Variants in CLIP4 observed in about 807,000 individuals in gnomAD.
CLIP4 encodes the protein CAP-Gly domain-containing linker protein 4.
A neutral mutation model predicts 73.1 loss-of-function variants in CLIP4; 47 were observed. The observed-to-expected ratio is 0.64, with a 90% CI of 0.51 to 0.82. CLIP4 has a LOEUF of 0.82. CLIP4 is among the 40% of genes least tolerant of loss of function. The pLI is 0.00. For missense variants in CLIP4, 874 were observed against 852.9 expected (o/e 1.02, Z -0.31); for synonymous variants, 306 against 295.4 (o/e 1.04, Z -0.37).
intron 1 of CLIP4, among the ~76,000 whole-genome samples, chr2:29,117,928 A>C (rs986731637): frequency 3.9e-5 from 6 of 152,256 alleles, no homozygotes; most frequent in Non-Finnish European, 8.8e-5. Flanking sequence ...TAGCTTTTTC[A>C]GGGCAGGTAT....
intron 15 of CLIP4, among the ~76,000 whole-genome samples, chr2:29,179,711 A>G (rs1024694458): frequency 7.9e-5 from 12 of 152,224 alleles, no homozygotes; most frequent in Non-Finnish European, 2.9e-5. Flanking sequence ...TCAGGTTACA[A>G]AAAACATCCA....
At chr2:29,101,290 C>CG (rs973059483) in intron 1 of CLIP4, among the ~76,000 whole-genome samples, 2 of 147,598 alleles carry the variant, frequency 1.4e-5, no homozygotes, top group African/African-American at 5.0e-5. Context: ...TTTTTTTCCC[C>CG]CCCCCAAAAC....
In CLIP4 at chr2:29,133,759, G is replaced by A; in HGVS notation, c.472G>A (p.Ala158Thr). 7 of 1,613,170 alleles carry A rather than the reference G, an allele frequency of 4.3e-6. No individual in the cohort carries two copies. The highest frequency in any genetic ancestry group is 5.9e-6 in the Non-Finnish European group (7 of 1,179,680). Reference sequence around the variant, plus strand: ...AAACATGAATGCTTTGCATTATGCTGCTTATTTTGATGTCCCTGAACTTAT... The same window carrying A: ...AAACATGAATGCTTTGCATTATGCTACTTATTTTGATGTCCCTGAACTTAT... The part of the protein sequence containing the change: ...WTNMNALHYA[A>T]YFDVPELIRV... The change falls in exon 5 of 16, where the codon GCT (alanine) becomes ACT (threonine). Residue 158 changes from alanine (A) to threonine (T), a missense_variant. By Grantham distance (58) the Ala-to-Thr change is moderately conservative (BLOSUM62 0). Transcript: ENST00000320081.
chr2:29,133,317 A>G (rs1365395668), intron 4 of CLIP4, among the ~76,000 whole-genome samples: 1 of 152,214 alleles, frequency 6.6e-6, no homozygotes, highest in African/African-American at 2.4e-5. Flanking sequence ...TCCACGGAAC[A>G]CGTTTGGGGG....
chr2:29,156,034 C>G (rs985787648), intron 9 of CLIP4, among the ~76,000 whole-genome samples: 6 of 152,342 alleles, frequency 3.9e-5, no homozygotes, highest in South Asian at 2.1e-4. Context: ...TTTTGTCCAT[C>G]AAGAATGCCT....
At chr2:29,163,981 T>C (rs1438229987) in intron 13 of CLIP4, 27 bp downstream of exon 13, 5 of 1,600,446 alleles carry the variant, frequency 3.1e-6, no homozygotes, top group Non-Finnish European at 4.3e-6. Context: ...TATGTTTATT[T>C]ACAGAAACTT....
intron 2 of CLIP4, among the ~76,000 whole-genome samples, chr2:29,129,780 A>G (rs1020383087): frequency 2.0e-5 from 3 of 152,190 alleles, no homozygotes; most frequent in Non-Finnish European, 2.9e-5. Flanking sequence ...GGCACTCCCA[A>G]AGGCAGACTA....
chr2:29,113,267 G>A (rs1034641307), upstream of CLIP4, among the ~76,000 whole-genome samples: 27 of 152,088 alleles, frequency 1.8e-4, no homozygotes, highest in African/African-American at 6.3e-4. This position sits in a 1 kb window ranked among gnomAD's most constrained non-coding sequence, Gnocchi z 4.0. Context: ...ACCTCCTGAC[G>A]CTGTGGATTA....
chr2:29,113,410 T>C (rs1050859653), upstream of CLIP4, among the ~76,000 whole-genome samples: 7 of 152,244 alleles, frequency 4.6e-5, no homozygotes, highest in African/African-American at 1.7e-4. This position sits in a 1 kb window ranked among gnomAD's most constrained non-coding sequence, Gnocchi z 4.0. Context: ...CATATCATTG[T>C]CCAGTCTCAC....
chr2:29,147,335 G>A (rs1666238866), intron 8 of CLIP4, among the ~76,000 whole-genome samples: 1 of 152,006 alleles, frequency 6.6e-6, no homozygotes, highest in African/African-American at 2.4e-5. Context: ...AAAAGGATGA[G>A]TTTTAAAATA....
intron 1 of CLIP4, among the ~76,000 whole-genome samples, chr2:29,101,969 T>A (rs956465572): frequency 6.6e-6 from 1 of 152,124 alleles, no homozygotes; most frequent in Non-Finnish European, 1.5e-5. Flanking sequence ...TGTGTGCACA[T>A]AGGAGGAAAG....
chr2:29,130,753 G>C, intron 2 of CLIP4: 1 of 1,264,324 alleles, frequency 7.9e-7, no homozygotes, highest in Non-Finnish European at 1.0e-6. Flanking sequence ...TTTTAGTTAT[G>C]CTGACTCTAG....
intron 1 of CLIP4, among the ~76,000 whole-genome samples, chr2:29,120,402 A>T (rs11689745): frequency 0.14 from 21,320 of 152,164 alleles, 1,983 homozygotes; most frequent in Middle Eastern, 0.26. Context: ...ATTGAGTTAG[A>T]TATAGGGTTG....
Position 29,152,735 on chromosome 2 carries a change from A to T in CLIP4, c.1072A>T (p.Asn358Tyr). 1 of 1,613,802 alleles carries T rather than the reference A, an allele frequency of 6.2e-7. No homozygotes were observed. Among genetic ancestry groups the T allele is most frequent in the Non-Finnish European group, 8.5e-7 (1 of 1,179,808 alleles). Residue 358 changes from asparagine (N) to tyrosine (Y), a missense_variant, in exon 9 of 16, where the codon AAT (asparagine) becomes TAT (tyrosine). By Grantham distance (143) the Asn-to-Tyr change is moderately radical. Transcript: ENST00000320081. ...KISKAKGRRKNITHTPSTKAA... is the reference protein window; with the variant it reads ...KISKAKGRRKYITHTPSTKAA... ...AAGTAAAGCAAAAGGTCGAAGGAAG[A>T]ATATAACACACACTCCTTCTACAAA...
At chr2:29,161,893 T>G (rs992631771) in intron 12 of CLIP4, among the ~76,000 whole-genome samples, 1 of 152,180 alleles carries the variant, frequency 6.6e-6, no homozygotes, top group Non-Finnish European at 1.5e-5. Flanking sequence ...TGCGGAAACA[T>G]GACAGGACCA....
At chr2:29,119,494 GAATTAAGAGTATAA>G (rs1664110308) in intron 1 of CLIP4, among the ~76,000 whole-genome samples, 1 of 152,048 alleles carries the variant, frequency 6.6e-6, no homozygotes, top group African/African-American at 2.4e-5. Flanking sequence ...TTTTGCTGAA[GAATTAAGAGTATAA>G]AAACATGTCT....
chr2:29,150,219 A>AG (rs1312804331), intron 8 of CLIP4, among the ~76,000 whole-genome samples: 2 of 152,178 alleles, frequency 1.3e-5, no homozygotes, highest in African/African-American at 4.8e-5. Flanking sequence ...CCACTTTGTT[A>AG]GGGGGAAGGT....
chr2:29,158,090 A>G (rs1322996733), intron 11 of CLIP4, among the ~76,000 whole-genome samples: 2 of 152,254 alleles, frequency 1.3e-5, no homozygotes, highest in Non-Finnish European at 2.9e-5. Context: ...CAACAATAAC[A>G]TTGACATAAT....
intron 1 of CLIP4, among the ~76,000 whole-genome samples, chr2:29,108,853 C>T (rs1053863759): frequency 6.6e-6 from 1 of 152,114 alleles, no homozygotes; most frequent in African/African-American, 2.4e-5. Context: ...CTAAATTTCC[C>T]CCATTTGTCT....
Sources: gnomAD v4.1 joint callset for allele counts (sites outside exome capture counted in the v4.1 genomes callset) on GRCh38, gnomAD v4.1.1 for gene constraint, Gnocchi (gnomAD v3.1) non-coding constraint, MANE v1.5 for transcripts, NCBI Gene and HGNC (gene_info 2026-07-23, HGNC 2026-07-21) for gene names.